HIVEP2: variants seen among roughly 807,000 people sequenced by gnomAD.
HIVEP2 encodes the protein transcription factor HIVEP2.
In HIVEP2, 14 loss-of-function variants were observed where a neutral mutation model predicts 180.7. That is an observed-to-expected ratio of 0.08 (90% CI 0.05 to 0.12). The LOEUF is 0.12. Ranked by LOEUF, HIVEP2 falls within the 10% of genes least tolerant of loss-of-function variation. HIVEP2 has a pLI of 1.00. For missense variants in HIVEP2, 2,579 were observed against 3,008.5 expected, an observed-to-expected ratio of 0.86 and a Z score of 3.34; for synonymous variants, 1,184 against 1,136.4, an observed-to-expected ratio of 1.04 and a Z score of -0.84.
chr6:142,897,566 C>A (rs1777030980), intron 1 of HIVEP2, among the ~76,000 whole-genome samples: 1 of 152,104 alleles, frequency 6.6e-6, no homozygotes, highest in Non-Finnish European at 1.5e-5. Flanking sequence ...CACTGACATA[C>A]CATGGAGTGA....
In HIVEP2 at chr6:142,783,604, A is replaced by T. The variant is rs755902753; in HGVS notation, c.-516T>A. ...CTCTCCTCACAGGAACTCATGCACA[A>T]CTTCTGGGAATCTAAAAGATGAATA... On this transcript the variant is annotated 5_prime_UTR_variant, in exon 3 of 10. In the 5' UTR this introduces an upstream ATG that the reference lacks. Transcript: ENST00000367603. 5.9e-5 allele frequency: 9 copies of T among 152,164 alleles called. No homozygotes were observed. Among genetic ancestry groups the T allele is most frequent in the Non-Finnish European group, 8.8e-5 (6 of 68,032 alleles). 9.4% of individuals were successfully genotyped at this position (152,164 alleles called of 1,614,324 possible).
At chr6:142,804,412 T>C (rs184604081) in intron 2 of HIVEP2, among the ~76,000 whole-genome samples, 66 of 152,246 alleles carry the variant, frequency 4.3e-4, no homozygotes, top group Non-Finnish European at 1.3e-4. Flanking sequence ...TCAGGATTCA[T>C]AACTCTAGTC....
chr6:142,851,417 A>C (rs1203220773), intron 1 of HIVEP2, among the ~76,000 whole-genome samples: 2 of 152,276 alleles, frequency 1.3e-5, no homozygotes, highest in African/African-American at 2.4e-5. Context: ...TGGGCTGACT[A>C]CTGAAAACCT....
chr6:142,907,973 C>G (rs1329369601), intron 1 of HIVEP2, among the ~76,000 whole-genome samples: 1 of 152,196 alleles, frequency 6.6e-6, no homozygotes, highest in Non-Finnish European at 1.5e-5. Context: ...CTCTCTCTTA[C>G]CAACTGAATT....
intron 2 of HIVEP2, among the ~76,000 whole-genome samples, chr6:142,830,421 A>T (rs947592819): frequency 6.6e-6 from 1 of 152,186 alleles, no homozygotes; most frequent in African/African-American, 2.4e-5. Flanking sequence ...TTATTTTAAG[A>T]GGCTGGGAGG....
At chr6:142,921,211 G>C (rs972641558) in intron 1 of HIVEP2, among the ~76,000 whole-genome samples, 15 of 152,062 alleles carry the variant, frequency 9.9e-5, no homozygotes, top group African/African-American at 3.6e-4. Flanking sequence ...AAAATAAGAA[G>C]ACAAACAGCC....
intron 2 of HIVEP2, among the ~76,000 whole-genome samples, chr6:142,810,797 A>G (rs1252182681): frequency 2.0e-5 from 3 of 151,822 alleles, no homozygotes; most frequent in Non-Finnish European, 4.4e-5. Flanking sequence ...AGAAAGAAAG[A>G]AACAGAAAAT....
rs1302843083 is a variant in HIVEP2, at chr6:142,905,723, C to T, written c.-641+39376G>A. ...GAAAAAATTATATGACATAATAGAC[C>T]CTTTAACTATTAATGGTTCAAACTG... On this transcript the variant is annotated intron_variant, in intron 1 of 9. Transcript: ENST00000367603. 2.0e-5 allele frequency among the ~76,000 whole-genome samples: 3 copies of T among 151,968 alleles called. No homozygotes were observed. In the East Asian group the frequency reaches 5.8e-4, roughly 29 times the overall value.
intron 1 of HIVEP2, among the ~76,000 whole-genome samples, chr6:142,837,495 T>C (rs1316685575): frequency 6.6e-6 from 1 of 152,062 alleles, no homozygotes; most frequent in Non-Finnish European, 1.5e-5. Context: ...TGTTGAGAAA[T>C]AGAAACTAAT....
At chr6:142,761,357 A>T (rs1418943659) in intron 8 of HIVEP2, 107 bp downstream of exon 8, 1 of 632,826 alleles carries the variant, frequency 1.6e-6, no homozygotes, top group Non-Finnish European at 2.8e-6. Context: ...TAATAAAATG[A>T]AAAGTGATCA....
chr6:142,930,730 G>A (rs1166901270), intron 1 of HIVEP2, among the ~76,000 whole-genome samples: 2 of 152,062 alleles, frequency 1.3e-5, no homozygotes, highest in Non-Finnish European at 2.9e-5. Context: ...TTCAGAATAG[G>A]CCCTCAATGA....
At chr6:142,915,452 A>T (rs1402095295) in intron 1 of HIVEP2, among the ~76,000 whole-genome samples, 1 of 152,118 alleles carries the variant, frequency 6.6e-6, no homozygotes, top group African/African-American at 2.4e-5. Context: ...TTCCCCTCAC[A>T]GCCCTCAGAA....
At chr6:142,883,465 AT>A (rs2128417783) in intron 1 of HIVEP2, among the ~76,000 whole-genome samples, 1 of 152,218 alleles carries the variant, frequency 6.6e-6, no homozygotes, top group Admixed American at 6.6e-5. Context: ...ACAAACTATA[AT>A]CTTTTGTGAA....
chr6:142,866,559 A>T (rs1204368417), intron 1 of HIVEP2, among the ~76,000 whole-genome samples: 1 of 152,112 alleles, frequency 6.6e-6, no homozygotes, highest in Non-Finnish European at 1.5e-5. Flanking sequence ...TCCATGTCAA[A>T]GTGCCTACCT....
chr6:142,900,815 G>T (rs1271474712), intron 1 of HIVEP2, among the ~76,000 whole-genome samples: 1 of 152,106 alleles, frequency 6.6e-6, no homozygotes, highest in African/African-American at 2.4e-5. Context: ...AAAAATGCGT[G>T]GGCAAGTCTT....
At chr6:142,887,403 C>A (rs1776728417) in intron 1 of HIVEP2, among the ~76,000 whole-genome samples, 1 of 152,054 alleles carries the variant, frequency 6.6e-6, no homozygotes, top group Non-Finnish European at 1.5e-5. Flanking sequence ...AGCCAAGGCA[C>A]CCTGAAATGA....
intron 1 of HIVEP2, among the ~76,000 whole-genome samples, chr6:142,941,060 C>T (rs1778165807): frequency 6.6e-6 from 1 of 152,076 alleles, no homozygotes. Flanking sequence ...TAGAAAATAC[C>T]TCAAATGATG....
chr6:142,922,973 AAACT>A (rs1211644919), intron 1 of HIVEP2, among the ~76,000 whole-genome samples: 3 of 152,210 alleles, frequency 2.0e-5, no homozygotes, highest in Non-Finnish European at 4.4e-5. Flanking sequence ...AACATCTAAC[AAACT>A]ATTATCAATA....
chr6:142,817,805 G>A (rs777736272), intron 2 of HIVEP2, among the ~76,000 whole-genome samples: 4 of 152,222 alleles, frequency 2.6e-5, no homozygotes, highest in Non-Finnish European at 5.9e-5. Context: ...GATAGCCTGA[G>A]GTCAGGAGTT....
Sources: gnomAD v4.1 joint callset for allele counts (sites outside exome capture counted in the v4.1 genomes callset) on GRCh38, gnomAD v4.1.1 for gene constraint, MANE v1.5 for transcripts, NCBI Gene and HGNC (gene_info 2026-07-23, HGNC 2026-07-21) for gene names.